Variants in BCO1 observed in about 807,000 individuals in gnomAD.
BCO1 encodes beta,beta-carotene 15,15'-dioxygenase.
A neutral mutation model predicts 56.3 loss-of-function variants in BCO1; 54 were observed. That is an observed-to-expected ratio of 0.96 (90% confidence interval 0.77 to 1.20). The LOEUF (loss-of-function observed/expected upper bound fraction) is 1.20. Among genes scored for constraint, BCO1 ranks in the 50% most tolerant of loss-of-function variants. The pLI is 0.00. For missense variants in BCO1, 801 were observed against 690.9 expected, an observed-to-expected ratio of 1.16 and a Z score of -1.79; for synonymous variants, 318 against 266.1, an observed-to-expected ratio of 1.20 and a Z score of -1.90.
chr16:81,273,389 G>A lies in BCO1; in HGVS notation c.1101+2973G>A, dbSNP rs983713677. Among the ~76,000 whole-genome samples the A allele has an allele frequency of 2.0e-5, 3 of 152,128 alleles. No individual in the cohort carries two copies. In the South Asian group the frequency reaches 6.2e-4, roughly 32 times the overall value. On this transcript the variant is annotated intron_variant, in intron 7 of 10. Coordinates refer to ENST00000258168, the MANE Select transcript of BCO1 (RefSeq NM_017429.3). Reference sequence around the variant, plus strand: ...GATGGGCCACACTTGGCACTCTGCAGGCCTGGCAGACGGTCCTACAGTGTC... The same window carrying A: ...GATGGGCCACACTTGGCACTCTGCAAGCCTGGCAGACGGTCCTACAGTGTC...
chr16:81,261,941 A>C lies in BCO1; in HGVS notation c.324-195A>C, dbSNP rs924053698. The C allele has an allele frequency of 7.3e-5, 43 of 589,566 alleles. 1 individual carries two copies. Among genetic ancestry groups the C allele is most frequent in the Non-Finnish European group, 1.3e-4 (43 of 329,572 alleles). 36.5% of individuals were successfully genotyped at this position (589,566 alleles called of 1,614,324 possible). A position where few individuals can be genotyped will look rare whatever the true frequency, so the allele number is the denominator to read the frequency against. On this transcript the variant is annotated intron_variant, in intron 3 of 10. Coordinates refer to ENST00000258168, the MANE Select transcript of BCO1 (RefSeq NM_017429.3). ...TATTTTTTAGTACAGACGGGGTTTC[A>C]CCGTGTTGGCCAGGATGGTCTCAAT... is the stretch of plus-strand genomic sequence containing the variant.
chr16:81,243,492 G>T (rs868598093), intron 1 of BCO1, among the ~76,000 whole-genome samples: 19 of 126,170 alleles, frequency 1.5e-4, no homozygotes, highest in African/African-American at 5.2e-4. Flanking sequence ...TTTATGAGAC[G>T]GAGTCTTGCT....
intron 7 of BCO1, among the ~76,000 whole-genome samples, chr16:81,270,841 C>A (rs781774749): frequency 1.5e-4 from 22 of 151,652 alleles, no homozygotes; most frequent in Non-Finnish European, 2.4e-4. Flanking sequence ...ACCTCCCAGG[C>A]TCACGCCATT....
rs142636064 is a variant in BCO1 at position 81,285,146 on chromosome 16, C to T, written c.1208-394C>T. Among the ~76,000 whole-genome samples the T allele has an allele frequency of 3.3e-5, 5 of 152,270 alleles. No individual in the cohort carries two copies. In the East Asian group the frequency reaches 9.6e-4, roughly 29 times the overall value. ...TGAGCCACTGCGCCCAGCCAGCTTC[C>T]CATTTCTCATCACATATGTGCACAT... On this transcript the variant is annotated intron_variant, in intron 8 of 10. Transcript: ENST00000258168.
At chr16:81,266,339 A>C (rs375085838) in intron 5 of BCO1, among the ~76,000 whole-genome samples, 61 of 152,158 alleles carry the variant, frequency 4.0e-4, no homozygotes, top group African/African-American at 6.3e-4. Flanking sequence ...AACCACACCC[A>C]GGAGACCTAG....
rs12934922 is a variant in BCO1, at chr16:81,268,089, A to T, written c.801A>T (p.Arg267Ser). 651,875 of 1,611,260 alleles carry T rather than the reference A, an allele frequency of 0.4. 139,175 individuals carry two copies. The highest frequency in any genetic ancestry group is 0.45 in the Non-Finnish European group (525,224 of 1,179,802). ...ILKMATAYIR[R>S]MSWASCLAFH... ...AGATGGCAACCGCATACATCCGGAG[A>T]ATGAGCTGGGCCTCCTGCCTGGCTT... The change falls in exon 6 of 11, where the codon AGA becomes AGT. Residue 267 changes from arginine to serine, a missense_variant. By Grantham distance (110) the Arg-to-Ser change is moderately radical. Coordinates refer to ENST00000258168, the MANE Select transcript of BCO1 (RefSeq NM_017429.3).
rs71710906 is a variant in BCO1, at chr16:81,246,850, C to CAAAA, written c.193+1262_193+1265dup. On this transcript the variant is annotated intron_variant, in intron 2 of 10. Coordinates refer to ENST00000258168, the MANE Select transcript of BCO1 (RefSeq NM_017429.3). ...TGGGAGACAGAGCCAGACTTTGTCTCAAAAAAAAAAAAAAAAAAGAAGAGT... is the reference window on the plus strand; with the variant it reads ...TGGGAGACAGAGCCAGACTTTGTCTCAAAAAAAAAAAAAAAAAAAAAAGAAGAGT... Among the ~76,000 whole-genome samples the CAAAA allele has an allele frequency of 4.5e-3, 371 of 83,124 alleles. 14 individuals are homozygous for CAAAA. The highest frequency in any genetic ancestry group is 7.4e-3 in the Middle Eastern group (1 of 136). The allele number at this position is 83,124 out of a possible 152,430, so 54.5% of individuals were successfully genotyped here.
chr16:81,249,095 T>TTTC, intron 2 of BCO1, among the ~76,000 whole-genome samples: 1 of 149,452 alleles, frequency 6.7e-6, no homozygotes, highest in East Asian at 2.0e-4. Flanking sequence ...TTTCTTTCTT[T>TTTC]TTTTTTTTTT....
At chr16:81,260,859 A>G (rs779753226) in intron 3 of BCO1, among the ~76,000 whole-genome samples, 48 of 152,206 alleles carry the variant, frequency 3.2e-4, no homozygotes, top group Non-Finnish European at 6.6e-4. Context: ...AATGTGTTAC[A>G]TATCTGACAG....
chr16:81,286,738 T>C (rs1908202451), intron 9 of BCO1, among the ~76,000 whole-genome samples: 1 of 152,134 alleles, frequency 6.6e-6, no homozygotes, highest in African/African-American at 2.4e-5. Flanking sequence ...AAAGAATTCC[T>C]TCTACAGTAT....
chr16:81,241,070 T>G (rs984792725), intron 1 of BCO1, among the ~76,000 whole-genome samples: 2 of 152,128 alleles, frequency 1.3e-5, no homozygotes, highest in Non-Finnish European at 2.9e-5. Flanking sequence ...CCAACCTCAG[T>G]TGATCCGCCC....
chr16:81,290,417 A>G lies in BCO1; in HGVS notation c.1484A>G (p.Lys495Arg). ...KLPFLLILDA[K>R]SFTELARASV... Reference sequence around the variant, plus strand: ...CCTTTTCTGCTCATTCTGGATGCCAAAAGCTTTACGGAATTGGCCCGTGCC... The same window carrying G: ...CCTTTTCTGCTCATTCTGGATGCCAGAAGCTTTACGGAATTGGCCCGTGCC... Residue 495 changes from lysine (K) to arginine (R), a missense_variant, in exon 11 of 11, where the codon AAA (lysine) becomes AGA (arginine). Transcript: ENST00000258168. 2.5e-6 allele frequency: 4 copies of G among 1,614,220 alleles called. No homozygotes were observed. The highest frequency in any genetic ancestry group is 3.4e-6 in the Non-Finnish European group (4 of 1,180,044).
At chr16:81,273,379 G>A (rs1233122697) in intron 7 of BCO1, among the ~76,000 whole-genome samples, 5 of 152,104 alleles carry the variant, frequency 3.3e-5, no homozygotes, top group Non-Finnish European at 5.9e-5. Context: ...GCCACACTTG[G>A]CACTCTGCAG....
At chr16:81,255,784 A>G (rs1412775036) in intron 2 of BCO1, among the ~76,000 whole-genome samples, 2 of 149,718 alleles carry the variant, frequency 1.3e-5, no homozygotes, top group South Asian at 4.2e-4. Flanking sequence ...GGATTATAGG[A>G]GTGAGCCACC....
chr16:81,260,688 C>T (rs1390587929), intron 3 of BCO1, among the ~76,000 whole-genome samples: 1 of 151,986 alleles, frequency 6.6e-6, no homozygotes, highest in Non-Finnish European at 1.5e-5. Flanking sequence ...TTTATATTTT[C>T]AGTAGAGACG....
intron 2 of BCO1, among the ~76,000 whole-genome samples, chr16:81,251,655 C>T (rs748782875): frequency 2.0e-5 from 3 of 152,034 alleles, no homozygotes; most frequent in East Asian, 1.9e-4. Flanking sequence ...GGTACAAGAA[C>T]ACTCCTTTCT....
At chr16:81,255,722 G>T (rs979308674) in intron 2 of BCO1, among the ~76,000 whole-genome samples, 2 of 151,934 alleles carry the variant, frequency 1.3e-5, no homozygotes, top group Admixed American at 1.3e-4. Context: ...GGCCAGGCTG[G>T]TCTCAAACTC....
intron 3 of BCO1, among the ~76,000 whole-genome samples, chr16:81,260,890 T>TC (rs1567705246): frequency 6.6e-6 from 1 of 152,228 alleles, no homozygotes; most frequent in Non-Finnish European, 1.5e-5. Context: ...GGCCAGGGAA[T>TC]CAGGCCTGCC....
chr16:81,284,909 T>C (rs1363336340), intron 8 of BCO1, among the ~76,000 whole-genome samples: 1 of 151,270 alleles, frequency 6.6e-6, no homozygotes, highest in African/African-American at 2.4e-5. Flanking sequence ...CGATCTCGGC[T>C]CACTGCAACC....
Sources: gnomAD v4.1 joint callset for allele counts (sites outside exome capture counted in the v4.1 genomes callset) on GRCh38, gnomAD v4.1.1 for gene constraint, MANE v1.5 for transcripts, NCBI Gene and HGNC (gene_info 2026-07-23, HGNC 2026-07-21) for gene names.